AUTS2: variants seen among roughly 807,000 people sequenced by gnomAD.
The protein encoded by AUTS2 is activator of transcription and developmental regulator AUTS2, also known as autism susceptibility gene 2 protein.
AUTS2 carries 17 observed loss-of-function variants against 112.4 expected under a neutral mutation model. The observed-to-expected ratio is 0.15, with a 90% CI of 0.10 to 0.23. The LOEUF (loss-of-function observed/expected upper bound fraction) is 0.23, where lower values mean the gene tolerates loss of function less well. AUTS2 is among the 10% of genes least tolerant of loss of function. AUTS2 has a pLI of 1.00. For missense variants in AUTS2, 1,510 were observed against 1,701.6 expected, an observed-to-expected ratio of 0.89 and a Z score of 1.98; for synonymous variants, 751 against 702.7, an observed-to-expected ratio of 1.07 and a Z score of -1.09.
chr7:70,633,670 A>C (rs1317241364), intron 5 of AUTS2, among the ~76,000 whole-genome samples: 1 of 150,774 alleles, frequency 6.6e-6, no homozygotes, highest in Non-Finnish European at 1.5e-5. Flanking sequence ...ATTGGGCCGT[A>C]GGTCTAGATT....
chr7:70,258,864 T>C (rs1045663884), intron 4 of AUTS2, among the ~76,000 whole-genome samples: 3 of 152,184 alleles, frequency 2.0e-5, no homozygotes, highest in African/African-American at 7.2e-5. Flanking sequence ...TACTGACTCT[T>C]TTCCCAATAA....
chr7:70,074,854 G>T (rs1802952736), intron 2 of AUTS2, among the ~76,000 whole-genome samples: 1 of 152,118 alleles, frequency 6.6e-6, no homozygotes, highest in Non-Finnish European at 1.5e-5. Context: ...TGTATGTTTT[G>T]GTGTAACCAA....
At chr7:70,706,401 A>C (rs1322210914) in intron 6 of AUTS2, among the ~76,000 whole-genome samples, 3 of 152,224 alleles carry the variant, frequency 2.0e-5, no homozygotes, top group Non-Finnish European at 4.4e-5. Context: ...TGGAGTAGGA[A>C]GTAAACTCCT....
chr7:69,852,122 T>C (rs1363564096), intron 1 of AUTS2, among the ~76,000 whole-genome samples: 1 of 152,190 alleles, frequency 6.6e-6, no homozygotes, highest in Non-Finnish European at 1.5e-5. Context: ...TTTTGGGTAG[T>C]TGTTCTTTGA....
chr7:70,468,316 G>A (rs1797247090), intron 5 of AUTS2, among the ~76,000 whole-genome samples: 1 of 152,186 alleles, frequency 6.6e-6, no homozygotes, highest in African/African-American at 2.4e-5. Context: ...GGAAGGTGTG[G>A]TGTTGATGGA....
chr7:70,464,781 G>C (rs1431121086), intron 5 of AUTS2, among the ~76,000 whole-genome samples: 1 of 152,206 alleles, frequency 6.6e-6, no homozygotes, highest in Non-Finnish European at 1.5e-5. Flanking sequence ...GTTGAGGTAG[G>C]TCTAGGTTAA....
intron 10 of AUTS2, among the ~76,000 whole-genome samples, chr7:70,769,501 C>T (rs1015024079): frequency 3.9e-5 from 6 of 152,160 alleles, no homozygotes; most frequent in African/African-American, 9.7e-5. Context: ...CTGGCTAACA[C>T]GGTGAAACCC....
intron 6 of AUTS2, among the ~76,000 whole-genome samples, chr7:70,726,303 G>A (rs912162682): frequency 6.6e-6 from 1 of 151,084 alleles, no homozygotes; most frequent in African/African-American, 2.4e-5. Flanking sequence ...ATATTTTGCT[G>A]TCATACCATA....
chr7:69,933,296 T>C (rs1796290889), intron 2 of AUTS2, among the ~76,000 whole-genome samples: 1 of 152,206 alleles, frequency 6.6e-6, no homozygotes, highest in Non-Finnish European at 1.5e-5. Context: ...TTAAAATAAG[T>C]ACATGTATAT....
chr7:69,716,320 C>G (rs1212852832), intron 1 of AUTS2, among the ~76,000 whole-genome samples: 1 of 151,534 alleles, frequency 6.6e-6, no homozygotes, highest in East Asian at 1.9e-4. Context: ...TTTTTCACAC[C>G]GCATTCCACC....
At chr7:70,276,070 A>G (rs1307740085) in intron 4 of AUTS2, among the ~76,000 whole-genome samples, 1 of 152,126 alleles carries the variant, frequency 6.6e-6, no homozygotes, top group African/African-American at 2.4e-5. Flanking sequence ...TTTCAGTTTC[A>G]GATTTGCTCT....
intron 5 of AUTS2, among the ~76,000 whole-genome samples, chr7:70,537,220 A>G (rs1417915597): frequency 6.6e-6 from 1 of 152,220 alleles, no homozygotes; most frequent in African/African-American, 2.4e-5. Context: ...TGTACATAGT[A>G]GATCCTCCAT....
chr7:70,726,227 T>C (rs1293791059), intron 6 of AUTS2, among the ~76,000 whole-genome samples: 1 of 152,136 alleles, frequency 6.6e-6, no homozygotes, highest in Non-Finnish European at 1.5e-5. Flanking sequence ...TAGAAGTTTT[T>C]ATATAGAGAC....
chr7:70,136,466 C>T (rs77993197), intron 4 of AUTS2, among the ~76,000 whole-genome samples: 284 of 152,256 alleles, frequency 1.9e-3, no homozygotes, highest in African/African-American at 6.7e-3. Context: ...AACTTTCTTT[C>T]CAATAGTATC....
chr7:70,544,006 G>T (rs930242213), intron 5 of AUTS2, among the ~76,000 whole-genome samples: 1 of 152,164 alleles, frequency 6.6e-6, no homozygotes, highest in Non-Finnish European at 1.5e-5. Context: ...TTTAATAGAG[G>T]CAGGGAAGCT....
At chr7:70,122,770 A>G (rs1805750716) in intron 3 of AUTS2, among the ~76,000 whole-genome samples, 2 of 151,568 alleles carry the variant, frequency 1.3e-5, no homozygotes, top group South Asian at 2.1e-4. Flanking sequence ...ATGTTTTGAG[A>G]TCCCTAGTCA....
At position 69,958,362 on chromosome 7, in the gene AUTS2, C is replaced by A. The variant is rs1225629576; in HGVS notation, c.522+58864C>A. On this transcript the variant is annotated intron_variant, in intron 2 of 18. Coordinates refer to ENST00000342771, the MANE Select transcript of AUTS2 (RefSeq NM_015570.4). ...GCCCTTTACTGAAAACAGGCGTGAA[C>A]CTCTACTCTAGAATATAAATCAGGA... is the stretch of plus-strand genomic sequence containing the variant. Among the ~76,000 whole-genome samples, 4 of 152,204 alleles carry A rather than the reference C, an allele frequency of 2.6e-5. No homozygotes were observed. In the East Asian group the frequency reaches 7.7e-4, roughly 29 times the overall value.
At chr7:70,149,097 A>G (rs559893765) in intron 4 of AUTS2, among the ~76,000 whole-genome samples, 1 of 152,090 alleles carries the variant, frequency 6.6e-6, no homozygotes, top group African/African-American at 2.4e-5. Context: ...GGTCAGAACT[A>G]CTTCCATAGT....
At chr7:69,858,576 T>A (rs1792839006) in intron 1 of AUTS2, among the ~76,000 whole-genome samples, 1 of 152,224 alleles carries the variant, frequency 6.6e-6, no homozygotes, top group Non-Finnish European at 1.5e-5. Context: ...CTTCCCCTGC[T>A]GAGCTGCTTT....
Sources: gnomAD v4.1 joint callset for allele counts (sites outside exome capture counted in the v4.1 genomes callset) on GRCh38, gnomAD v4.1.1 for gene constraint, MANE v1.5 for transcripts, NCBI Gene and HGNC (gene_info 2026-07-23, HGNC 2026-07-21) for gene names.